EEIG1: variants seen among roughly 807,000 people sequenced by gnomAD.
The protein encoded by EEIG1 is early estrogen-induced gene 1 protein.
At chr9:127,973,950 G>A in the EEIG1 span, among the ~76,000 whole-genome samples, 3 of 152,150 alleles carry the variant, frequency 2.0e-5, no homozygotes, top group Non-Finnish European at 2.9e-5. The surrounding 1 kb of genome is among the most constrained non-coding windows in gnomAD (Gnocchi z 4.2). Context: ...GCCAAACGCC[G>A]CCACACAGCA....
the EEIG1 span, chr9:127,943,455 G>A: frequency 2.6e-5 from 15 of 584,844 alleles, no homozygotes; most frequent in Non-Finnish European, 4.3e-5. Context: ...GCCCTTCCGG[G>A]CACATCTGGC....
the EEIG1 span, among the ~76,000 whole-genome samples, chr9:127,977,947 T>C: frequency 6.6e-6 from 1 of 152,140 alleles, no homozygotes; most frequent in Admixed American, 6.5e-5. Context: ...AGAGCTTAGG[T>C]AACTTGCCCA....
chr9:127,944,517 AG>A, the EEIG1 span: 1 of 847,292 alleles, frequency 1.2e-6, no homozygotes, highest in Non-Finnish European at 1.9e-6. Flanking sequence ...TGTGGCGACA[AG>A]ATTTGGCGTT....
At chr9:127,965,013 G>A in the EEIG1 span, among the ~76,000 whole-genome samples, 1 of 148,328 alleles carries the variant, frequency 6.7e-6, no homozygotes, top group African/African-American at 2.5e-5. Flanking sequence ...TGAGGCTGAG[G>A]CAGGAGAATC....
the EEIG1 span, among the ~76,000 whole-genome samples, chr9:127,970,562 G>GGC: frequency 1.3e-5 from 2 of 152,308 alleles, no homozygotes; most frequent in African/African-American, 4.8e-5. Flanking sequence ...CCTGATGACA[G>GGC]AGGTTGAAAC....
At chr9:127,945,791 G>T in the EEIG1 span, 1 of 1,360,320 alleles carries the variant, frequency 7.4e-7, no homozygotes, top group African/African-American at 1.4e-5. The surrounding 1 kb of genome is among the most constrained non-coding windows in gnomAD (Gnocchi z 6.5). Context: ...AGGTGACAGG[G>T]GTCACCCAGT....
the EEIG1 span, among the ~76,000 whole-genome samples, chr9:127,975,646 C>T: frequency 2.0e-5 from 3 of 152,172 alleles, no homozygotes; most frequent in African/African-American, 4.8e-5. Context: ...CATCTGTTGG[C>T]TGAGAAAATG....
chr9:127,970,888 C>G, the EEIG1 span, among the ~76,000 whole-genome samples: 5 of 152,242 alleles, frequency 3.3e-5, no homozygotes, highest in Non-Finnish European at 7.3e-5. Flanking sequence ...GCATCACCTC[C>G]TTAGGGCCTG....
the EEIG1 span, chr9:127,948,276 G>A: frequency 1.1e-5 from 17 of 1,612,630 alleles, no homozygotes; most frequent in Middle Eastern, 5.0e-4. Flanking sequence ...AGGACCAGAT[G>A]AAAACAGAGG....
chr9:127,949,605 A>G, the EEIG1 span, among the ~76,000 whole-genome samples: 1 of 152,172 alleles, frequency 6.6e-6, no homozygotes, highest in Non-Finnish European at 1.5e-5. Context: ...CAAGACAATC[A>G]GCCTGGACCC....
the EEIG1 span, among the ~76,000 whole-genome samples, chr9:127,947,069 C>T: frequency 7.9e-5 from 12 of 151,950 alleles, no homozygotes; most frequent in African/African-American, 2.4e-4. Context: ...GGTTGGGGCT[C>T]GTTCACATTT....
the EEIG1 span, chr9:127,953,785 A>C: frequency 1.2e-6 from 2 of 1,613,878 alleles, no homozygotes; most frequent in African/African-American, 2.7e-5. Flanking sequence ...CAGCAGCCCC[A>C]CATGCGCCCT....
At chr9:127,974,438 A>G in the EEIG1 span, among the ~76,000 whole-genome samples, 1 of 152,154 alleles carries the variant, frequency 6.6e-6, no homozygotes, top group East Asian at 1.9e-4. Flanking sequence ...CCTGTTGGCC[A>G]GGGGCTTCTA....
At chr9:127,943,714 CT>C in the EEIG1 span, 1 of 162,066 alleles carries the variant, frequency 6.2e-6, no homozygotes, top group Admixed American at 6.0e-5. Context: ...CCCCAAGATG[CT>C]TCCTCATTTT....
At chr9:127,953,975 G>A in the EEIG1 span, 1 of 1,607,216 alleles carries the variant, frequency 6.2e-7, no homozygotes, top group East Asian at 2.2e-5. Flanking sequence ...TCCGCGCCAG[G>A]GGACTCCATG....
chr9:127,948,368 G>A, the EEIG1 span: 6 of 1,614,118 alleles, frequency 3.7e-6, no homozygotes, highest in Non-Finnish European at 5.1e-6. Context: ...CAGCACTCAC[G>A]TCTTGAAGCA....
chr9:127,948,083 T>C, the EEIG1 span: 11 of 1,611,860 alleles, frequency 6.8e-6, no homozygotes, highest in South Asian at 2.2e-5. Context: ...GAGCTGAGAA[T>C]AGTGGGCCGA....
At chr9:127,970,526 G>A in the EEIG1 span, among the ~76,000 whole-genome samples, 5 of 152,216 alleles carry the variant, frequency 3.3e-5, no homozygotes, top group Non-Finnish European at 5.9e-5. Flanking sequence ...TGCACAGTAT[G>A]CCTCGGGTTT....
At chr9:127,952,651 T>C in the EEIG1 span, among the ~76,000 whole-genome samples, 90,318 of 151,826 alleles carry the variant, frequency 0.59, 30,731 homozygotes, top group Non-Finnish European at 0.77. Flanking sequence ...ACATGGAAAT[T>C]TGTGATAACA....
Sources: allele counts gnomAD v4.1 joint callset (sites outside exome capture counted in the v4.1 genomes callset), GRCh38; gene constraint gnomAD v4.1.1; non-coding constraint Gnocchi (gnomAD v3.1); transcripts MANE v1.5; gene names NCBI Gene and HGNC (gene_info 2026-07-23, HGNC 2026-07-21).